The following MME variants were observed in gnomAD, a reference collection of about 807,000 sequenced individuals.
MME encodes the protein neprilysin.
Under a neutral mutation model 113.2 loss-of-function variants are expected in MME, and 98 were observed. The observed-to-expected ratio is 0.87, with a 90% CI of 0.74 to 1.02. The LOEUF is 1.02. Among genes scored for constraint, MME ranks in the 50% least tolerant of loss-of-function variants. MME has a pLI of 0.00. For missense variants in MME, 836 were observed against 896.0 expected, an observed-to-expected ratio of 0.93 and a Z score of 0.86; for synonymous variants, 292 against 300.6, an observed-to-expected ratio of 0.97 and a Z score of 0.30.
In MME at chr3:155,147,174, C is replaced by T. The variant is rs774711018; in HGVS notation, c.1447C>T (p.Pro483Ser). 1 of 1,608,104 alleles carries T rather than the reference C, an allele frequency of 6.2e-7. No individual in the cohort carries two copies. Among genetic ancestry groups the T allele is most frequent in the East Asian group, 2.2e-5 (1 of 44,766 alleles). The change falls in exon 15 of 23, where the codon CCT becomes TCT. Residue 483 changes from proline to serine, a missense_variant. Coordinates refer to ENST00000360490, the MANE Select transcript of MME (RefSeq NM_007289.4). ...AGCAATTAAAGAAAGGATCGGCTAT[C>T]CTGATGACATTGTTTCAAATGATAA... The part of the protein sequence containing the change: ...ALAIKERIGY[P>S]DDIVSNDNKL...
intron 8 of MME, among the ~76,000 whole-genome samples, chr3:155,119,759 G>T (rs1718961033): frequency 6.9e-6 from 1 of 144,596 alleles, no homozygotes; most frequent in Non-Finnish European, 1.5e-5. Flanking sequence ...ATTTTTTATG[G>T]CTGCATAGTA....
intron 1 of MME, among the ~76,000 whole-genome samples, chr3:155,073,248 G>A (rs547968315): frequency 2.0e-5 from 3 of 149,746 alleles, no homozygotes; most frequent in African/African-American, 7.3e-5. Context: ...GAGCCTACAA[G>A]TTAAAAATGA....
intron 22 of MME, among the ~76,000 whole-genome samples, chr3:155,177,044 G>A (rs536082841): frequency 1.3e-5 from 2 of 152,082 alleles, no homozygotes; most frequent in African/African-American, 4.8e-5. Context: ...ATCTGAAGAC[G>A]TTTCTTTCTT....
chr3:155,141,962 C>T, intron 10 of MME, 29 bp from the exon 11 acceptor site: 1 of 1,613,068 alleles, frequency 6.2e-7, no homozygotes, highest in Non-Finnish European at 8.5e-7. Context: ...TCCACAATTT[C>T]TGAATGTTTC....
intron 1 of MME, among the ~76,000 whole-genome samples, chr3:155,051,090 A>G (rs1316212449): frequency 6.6e-6 from 1 of 152,238 alleles, no homozygotes; most frequent in East Asian, 1.9e-4. Context: ...AAATTGAGGA[A>G]GAAACTGTTA....
chr3:155,111,202 C>G (rs186496124), intron 3 of MME, among the ~76,000 whole-genome samples: 1 of 152,240 alleles, frequency 6.6e-6, no homozygotes, highest in East Asian at 1.9e-4. Flanking sequence ...CAGAGGAGGT[C>G]CAGAGGATAA....
chr3:155,098,109 GT>G (rs1263723366), intron 3 of MME, among the ~76,000 whole-genome samples: 1 of 152,144 alleles, frequency 6.6e-6, no homozygotes, highest in Non-Finnish European at 1.5e-5. Flanking sequence ...ATAGACTAGA[GT>G]TGGAAGGGAA....
chr3:155,180,314 CGTGA>C, intron 22 of MME, 42 bp from the exon 23 acceptor site: 1 of 1,345,710 alleles, frequency 7.4e-7, no homozygotes, highest in Non-Finnish European at 1.1e-6. Flanking sequence ...GTGGTATGGA[CGTGA>C]GTATCAAATG....
intron 3 of MME, among the ~76,000 whole-genome samples, chr3:155,086,716 A>T (rs969851697): frequency 2.0e-5 from 3 of 152,194 alleles, no homozygotes; most frequent in Non-Finnish European, 4.4e-5. Context: ...AGAGATTCTA[A>T]ACCTCCTTTC....
intron 14 of MME, among the ~76,000 whole-genome samples, chr3:155,146,889 T>C (rs1721557319): frequency 6.6e-6 from 1 of 152,126 alleles, no homozygotes. Flanking sequence ...TTTTGTCAGT[T>C]TTTATGTTGG....
At chr3:155,076,294 G>A (rs757493045), upstream of MME, among the ~76,000 whole-genome samples, 5 of 152,170 alleles carry the variant, frequency 3.3e-5, no homozygotes, top group Non-Finnish European at 5.9e-5. Context: ...GAAGAGTAGG[G>A]GTGAGGAGTC....
In MME at chr3:155,140,246, C is replaced by T. The variant is rs1042290; in HGVS notation, c.911C>T (p.Thr304Ile). 10 of 1,612,798 alleles carry T rather than the reference C, an allele frequency of 6.2e-6. No individual in the cohort carries two copies. Among genetic ancestry groups the T allele is most frequent in the Non-Finnish European group, 4.2e-6 (5 of 1,179,326 alleles). The change falls in exon 10 of 23, where the codon ACA (threonine) becomes ATA (isoleucine). Residue 304 changes from threonine to isoleucine, a missense_variant. By Grantham distance (89) the Thr-to-Ile change is moderately conservative. Coordinates refer to ENST00000360490, the MANE Select transcript of MME (RefSeq NM_007289.4). ...NDPMLLYNKM[T>I]LAQIQNNFSL... The stretch of plus-strand genomic sequence containing the variant: ...CCAATGCTTCTGTATAACAAGATGA[C>T]ATTGGCCCAGATCCAAAATAACTTT...
In MME at chr3:155,182,688, T is replaced by C. The variant is rs771751723; in HGVS notation, c.*2229T>C. 1 of 152,240 alleles carries C rather than the reference T, an allele frequency of 6.6e-6. No homozygotes were observed. The highest frequency in any genetic ancestry group is 2.1e-4 in the South Asian group (1 of 4,832). The allele number at this position is 152,240 out of a possible 1,614,324, so 9.4% of individuals were successfully genotyped here. A position where few individuals can be genotyped will look rare whatever the true frequency, so the allele number is the denominator to read the frequency against. ...AGTGAAGAGTGACTAGTACAAATTA[T>C]AAAAAGCCACTAGACTCTTCACTGT... On this transcript the variant is annotated 3_prime_UTR_variant, in exon 23 of 23. Transcript: ENST00000360490.
chr3:155,148,615 A>G lies in MME; in HGVS notation c.1563A>G (p.Lys521=). The stretch of plus-strand genomic sequence containing the variant: ...AAAATTTGAAATTCAGCCAAAGTAA[A>G]CAACTGAAGAAGCTCCGAGAAAAGG... ...IIQNLKFSQS[K]QLKKLREKVD... Residue 521 remains lysine (K), a synonymous_variant, in exon 16 of 23, where the codon AAA becomes AAG. Transcript: ENST00000360490. 12 of 1,612,978 alleles carry G rather than the reference A, an allele frequency of 7.4e-6. No individual in the cohort carries two copies. The highest frequency in any genetic ancestry group is 1.0e-5 in the Non-Finnish European group (12 of 1,179,192).
intron 9 of MME, among the ~76,000 whole-genome samples, 171 bp from the exon 10 acceptor site, chr3:155,140,020 A>G (rs1436100682): frequency 6.6e-6 from 1 of 152,202 alleles, no homozygotes; most frequent in Non-Finnish European, 1.5e-5. Flanking sequence ...TTCTACTCCA[A>G]AAATCTCTTA....
intron 17 of MME, among the ~76,000 whole-genome samples, chr3:155,163,347 T>G (rs1722849332): frequency 6.6e-6 from 1 of 152,202 alleles, no homozygotes; most frequent in South Asian, 2.1e-4. Context: ...GTTTTCACCA[T>G]TTTGTTAGAA....
chr3:155,180,533 GA>G lies in MME; in HGVS notation c.*78del, dbSNP rs1368274736. 4.3e-6 allele frequency: 5 copies of G among 1,167,598 alleles called. No homozygotes were observed. The highest frequency in any genetic ancestry group is 6.5e-6 in the Non-Finnish European group (5 of 774,532). The allele number at this position is 1,167,598 out of a possible 1,614,324, so 72.3% of individuals were successfully genotyped here. A position where few individuals can be genotyped will look rare whatever the true frequency, so the allele number is the denominator to read the frequency against. ...GAAATGGGGAATTCTCTAATCGAAA[GA>G]AAATGGGCCCTAGGGGTCACTGTAC... On this transcript the variant is annotated 3_prime_UTR_variant, in exon 23 of 23. Coordinates refer to ENST00000360490, the MANE Select transcript of MME (RefSeq NM_007289.4).
chr3:155,166,916 A>T lies in MME; in HGVS notation c.1675A>T (p.Ile559Phe), dbSNP rs766790381. ...GRNQIVFPAG[I>F]LQPPFFSAQQ... is the part of the protein sequence containing the mutation. The stretch of plus-strand genomic sequence containing the variant: ...TCTCCTTGTAGTCTTCCCAGCCGGC[A>T]TTCTGCAGCCCCCCTTCTTTAGTGC... Residue 559 changes from isoleucine to phenylalanine, a missense_variant, in exon 18 of 23, where the codon ATT becomes TTT. Transcript: ENST00000360490. The T allele has an allele frequency of 3.7e-6, 6 of 1,613,568 alleles. No individual in the cohort carries two copies. Among genetic ancestry groups the T allele is most frequent in the Non-Finnish European group, 5.1e-6 (6 of 1,179,736 alleles).
chr3:155,042,363 T>TA (rs1713350612), intron 1 of MME, among the ~76,000 whole-genome samples: 1 of 152,154 alleles, frequency 6.6e-6, no homozygotes, highest in African/African-American at 2.4e-5. Context: ...CAGAAACATA[T>TA]AATGAAAAGA....
Sources: allele counts gnomAD v4.1 joint callset (sites outside exome capture counted in the v4.1 genomes callset), GRCh38; gene constraint gnomAD v4.1.1; transcripts MANE v1.5; gene names NCBI Gene and HGNC (gene_info 2026-07-23, HGNC 2026-07-21).